CALR: variants seen among roughly 807,000 people sequenced by gnomAD.
CALR encodes calreticulin.
CALR carries 15 observed loss-of-function variants against 51.1 expected under a neutral mutation model. That is an observed-to-expected ratio of 0.29 (90% CI 0.20 to 0.45). The LOEUF (loss-of-function observed/expected upper bound fraction) is 0.45. CALR is among the 20% of genes least tolerant of loss of function. The probability of loss-of-function intolerance (pLI) is 1.00; values close to 1 mark genes in which losing one functional copy is unlikely to be tolerated. For synonymous variants in CALR, 239 were observed against 205.9 expected (o/e 1.16, Z -1.38); for missense variants, 477 against 530.6 (o/e 0.90, Z 0.99).
chr19:12,939,077 G>C, intron 1 of CALR, 57 bp from the exon 2 acceptor site: 5 of 1,007,666 alleles, frequency 5.0e-6, no homozygotes, highest in South Asian at 1.4e-5. Flanking sequence ...GCAGATGTTT[G>C]GTGTGGGGGG....
chr19:12,939,860 G>A (rs1971521730), intron 3 of CALR, among the ~76,000 whole-genome samples, 193 bp from the exon 4 acceptor site: 1 of 149,972 alleles, frequency 6.7e-6, no homozygotes, highest in Admixed American at 6.6e-5. Flanking sequence ...CTAGAGCACT[G>A]ATTTTTTTTT....
At chr19:12,942,663 C>T (rs1346939575) in intron 7 of CALR, among the ~76,000 whole-genome samples, 9 of 148,260 alleles carry the variant, frequency 6.1e-5, no homozygotes, top group Admixed American at 2.7e-4. Context: ...GGCTTGATCT[C>T]GGCTCACTGC....
chr19:12,941,633 T>C (rs1205714505), intron 7 of CALR, among the ~76,000 whole-genome samples: 1 of 151,834 alleles, frequency 6.6e-6, no homozygotes, highest in Non-Finnish European at 1.5e-5. Context: ...CCCCCCACCA[T>C]GCCTGGCTAA....
Position 12,943,950 on chromosome 19 carries a change from G to A in CALR, c.*37G>A, listed in dbSNP as rs200311949. On this transcript the variant is annotated 3_prime_UTR_variant, in exon 9 of 9. Transcript: ENST00000316448. Reference sequence around the variant, plus strand: ...TCCAGGGCTGGACTGAGGCCTGAGCGCTCCTGCCGCAGAGCTGGCCGCGCC... The same window carrying A: ...TCCAGGGCTGGACTGAGGCCTGAGCACTCCTGCCGCAGAGCTGGCCGCGCC... The A allele has an allele frequency of 1.6e-4, 258 of 1,602,368 alleles. No homozygotes were observed. Among genetic ancestry groups the A allele is most frequent in the Admixed American group, 8.0e-4 (47 of 58,672 alleles).
At position 12,939,142 on chromosome 19, in the gene CALR, A is replaced by C; in HGVS notation, c.100A>C (p.Thr34Pro). The C allele has an allele frequency of 1.4e-5, 22 of 1,604,512 alleles. No individual in the cohort carries two copies. The highest frequency in any genetic ancestry group is 1.8e-5 in the Non-Finnish European group (21 of 1,174,894). ...KEQFLDGDGW[T>P]SRWIESKHKS... ...TCTAATCCCCCACTTAGACGGGTGGACTTCCCGCTGGATCGAATCCAAACA... is the reference window on the plus strand; with the variant it reads ...TCTAATCCCCCACTTAGACGGGTGGCCTTCCCGCTGGATCGAATCCAAACA... Residue 34 changes from threonine (T) to proline (P), a missense_variant, in exon 2 of 9, where the codon ACT becomes CCT. Thr to Pro is a conservative substitution (Grantham distance 38). Transcript: ENST00000316448.
chr19:12,940,838 G>T lies in CALR; in HGVS notation c.911G>T (p.Ser304Ile). ...AACCCCGAGTATTCTCCCGATCCCA[G>T]TATCTATGCCTATGATAACTTTGGC... ...IDNPEYSPDP[S>I]IYAYDNFGVL... The change falls in exon 7 of 9, where the codon AGT becomes ATT. Residue 304 changes from serine to isoleucine, a missense_variant. Transcript: ENST00000316448. 6.2e-7 allele frequency: 1 copy of T among 1,614,146 alleles called. No individual in the cohort carries two copies. Among genetic ancestry groups the T allele is most frequent in the Non-Finnish European group, 8.5e-7 (1 of 1,180,002 alleles).
Position 12,938,669 on chromosome 19 carries a change from C to G in CALR, c.-11C>G, listed in dbSNP as rs751419557. Reference sequence around the variant, plus strand: ...TAAAGGGCCCGCGCGTTGCCGCCCCCTCGGCCCGCCATGCTGCTATCCGTG... The same window carrying G: ...TAAAGGGCCCGCGCGTTGCCGCCCCGTCGGCCCGCCATGCTGCTATCCGTG... On this transcript the variant is annotated 5_prime_UTR_variant, in exon 1 of 9. Transcript: ENST00000316448. 2.5e-6 allele frequency: 4 copies of G among 1,604,396 alleles called. No homozygotes were observed. The Admixed American group carries it at 6.8e-5, about 27-fold the overall frequency.
At chr19:12,943,418 G>A (rs1971575099) in intron 7 of CALR, 119 bp from the exon 8 acceptor site, 1 of 878,372 alleles carries the variant, frequency 1.1e-6, no homozygotes, top group African/African-American at 1.7e-5. Context: ...GGTGTTCCTT[G>A]TCTTCTCTGC....
intron 7 of CALR, among the ~76,000 whole-genome samples, chr19:12,942,360 CA>C (rs539049105): frequency 3.3e-3 from 407 of 124,624 alleles, no homozygotes; most frequent in Non-Finnish European, 3.0e-3. Context: ...GACTCTGTCC[CA>C]AAAAAAAAAA....
intron 1 of CALR, 81 bp from the exon 2 acceptor site, chr19:12,939,052 AG>A (rs1384913964): frequency 2.4e-6 from 2 of 843,692 alleles, no homozygotes; most frequent in East Asian, 5.3e-5. Context: ...TGTCCCCAGC[AG>A]CTTGTGGCTC....
At position 12,944,331 on chromosome 19, in the gene CALR, C is replaced by T. The variant is rs1315998052; in HGVS notation, c.*418C>T. 5 of 321,762 alleles carry T rather than the reference C, an allele frequency of 1.6e-5. No homozygotes were observed. The South Asian group carries it at 2.0e-4, about 13-fold the overall frequency. 19.9% of individuals were successfully genotyped at this position (321,762 alleles called of 1,614,324 possible). ...GGGGGTGGTGTCTCCAACCCCCCAG[C>T]ACTGAGGAAGAACGGGGCTCTTCTC... is the stretch of plus-strand genomic sequence containing the variant. On this transcript the variant is annotated 3_prime_UTR_variant, in exon 9 of 9. Transcript: ENST00000316448.
intron 1 of CALR, 109 bp from the exon 2 acceptor site, chr19:12,939,025 T>C (rs2146011793): frequency 1.3e-6 from 1 of 758,516 alleles, no homozygotes; most frequent in Non-Finnish European, 2.3e-6. Context: ...ATGGGGAGTG[T>C]CGGGGATCTC....
At chr19:12,940,917 T>G (rs775831137) in intron 7 of CALR, 30 bp downstream of exon 7, 50 of 1,611,246 alleles carry the variant, frequency 3.1e-5, no homozygotes, top group Admixed American at 8.3e-5. Context: ...GGAGGATCCC[T>G]GGGGTACCTC....
chr19:12,939,450 A>G lies in CALR; in HGVS notation c.216A>G (p.Ala72=). ...CAGGTTTGCAGACAAGCCAGGATGC[A>G]CGCTTTTATGCTCTGTCGGCCAGTT... The part of the protein sequence containing the change: ...KDKGLQTSQD[A]RFYALSASFE... Residue 72 remains alanine, a synonymous_variant, in exon 3 of 9, where the codon GCA becomes GCG. Transcript: ENST00000316448. The G allele has an allele frequency of 6.2e-7, 1 of 1,612,410 alleles. No homozygotes were observed. Among genetic ancestry groups the G allele is most frequent in the South Asian group, 1.1e-5 (1 of 90,998 alleles).
At chr19:12,938,809 C>T (rs760508798) in intron 1 of CALR, 39 bp downstream of exon 1, 2 of 1,457,804 alleles carry the variant, frequency 1.4e-6, no homozygotes, top group Non-Finnish European at 1.9e-6. Context: ...CCCGACGACG[C>T]GGCCGGCCCC....
intron 7 of CALR, among the ~76,000 whole-genome samples, chr19:12,942,223 T>TGTG (rs1423234488): frequency 6.6e-6 from 1 of 151,222 alleles, no homozygotes; most frequent in Non-Finnish European, 1.5e-5. Context: ...ATTTGCCAGG[T>TGTG]GTGGTGGTGG....
chr19:12,942,040 G>C (rs921885191), intron 7 of CALR, among the ~76,000 whole-genome samples: 3 of 152,054 alleles, frequency 2.0e-5, no homozygotes, highest in Admixed American at 6.6e-5. Context: ...TCCAGCCTCG[G>C]TGACAGAGTG....
At position 12,940,261 on chromosome 19, in the gene CALR, C is replaced by T; in HGVS notation, c.511C>T (p.Leu171=). The T allele has an allele frequency of 6.2e-7, 1 of 1,614,200 alleles. No individual in the cohort carries two copies. Among genetic ancestry groups the T allele is most frequent in the Non-Finnish European group, 8.5e-7 (1 of 1,180,024 alleles). ...IRCKDDEFTH[L]YTLIVRPDNT... ...TCTTCAGGATGATGAGTTTACACACCTGTACACACTGATTGTGCGGCCAGA... is the reference window on the plus strand; with the variant it reads ...TCTTCAGGATGATGAGTTTACACACTTGTACACACTGATTGTGCGGCCAGA... Residue 171 remains leucine (L), a synonymous_variant, in exon 5 of 9, where the codon CTG becomes TTG. Transcript: ENST00000316448.
In CALR at chr19:12,943,862, G is replaced by A. The variant is rs757312521; in HGVS notation, c.1203G>A (p.Lys401=). The A allele has an allele frequency of 1.3e-6, 2 of 1,584,582 alleles. No homozygotes were observed. Among genetic ancestry groups the A allele is most frequent in the South Asian group, 2.3e-5 (2 of 87,104 alleles). ...KDEDEEDEED[K]EEDEEEDVPG... is the part of the protein sequence containing the mutation. ...AGGATGAGGAGGATGAGGAGGACAA[G>A]GAGGAAGATGAGGAGGAAGATGTCC... The change falls in exon 9 of 9, where the codon AAG becomes AAA. Residue 401 remains lysine (K), a synonymous_variant. Transcript: ENST00000316448.
Sources: gnomAD v4.1 joint callset for allele counts (sites outside exome capture counted in the v4.1 genomes callset) on GRCh38, gnomAD v4.1.1 for gene constraint, MANE v1.5 for transcripts, NCBI Gene and HGNC (gene_info 2026-07-23, HGNC 2026-07-21) for gene names.